The following FOXP2 variants were observed in gnomAD, a reference collection of about 807,000 sequenced individuals.
The protein encoded by FOXP2 is forkhead box protein P2.
In FOXP2, 12 loss-of-function variants were observed where a neutral mutation model predicts 115.8. The observed-to-expected ratio is 0.10, with a 90% CI of 0.07 to 0.17. The LOEUF is 0.17. FOXP2 is among the 10% of genes least tolerant of loss of function. The pLI is 1.00. For synonymous variants in FOXP2, 328 were observed against 297.7 expected (o/e 1.10, Z -1.05); for missense variants, 629 against 843.5 (o/e 0.75, Z 3.15).
At chr7:114,453,983 A>G (rs1795178088) in intron 2 of FOXP2, among the ~76,000 whole-genome samples, 1 of 152,158 alleles carries the variant, frequency 6.6e-6, no homozygotes. Context: ...CCAAAACACC[A>G]AAAGCAATGG....
chr7:114,144,490 C>A (rs1792310019), intron 1 of FOXP2, among the ~76,000 whole-genome samples: 1 of 151,984 alleles, frequency 6.6e-6, no homozygotes. Flanking sequence ...ATCTTCAGTT[C>A]TTAATTCCTA....
At position 114,637,759 on chromosome 7, in the gene FOXP2, AC is replaced by A. The variant is rs1406091827; in HGVS notation, c.776-4648del. Among the ~76,000 whole-genome samples, 3 of 152,270 alleles carry A rather than the reference AC, an allele frequency of 2.0e-5. No homozygotes were observed. The East Asian group carries it at 5.8e-4, about 29-fold the overall frequency. ...TAAGTAACAATAGGAAAATGGGGTGACCCTCAGAAGGAGTCCTGAGAAAAGG... is the reference window on the plus strand; with the variant it reads ...TAAGTAACAATAGGAAAATGGGGTGACCTCAGAAGGAGTCCTGAGAAAAGG... On this transcript the variant is annotated intron_variant, in intron 6 of 16. Coordinates refer to ENST00000350908, the MANE Select transcript of FOXP2 (RefSeq NM_014491.4).
At position 114,534,723 on chromosome 7, in the gene FOXP2, T is replaced by C; in HGVS notation, c.258+17T>C. On this transcript the variant is annotated intron_variant, in intron 3 of 16. Coordinates refer to ENST00000350908, the MANE Select transcript of FOXP2 (RefSeq NM_014491.4). ...CCACTGCAGGTTAGTAAAGCACTCCTGTCCTTGGGGTCTTATTTTAAAAGA... is the reference window on the plus strand; with the variant it reads ...CCACTGCAGGTTAGTAAAGCACTCCCGTCCTTGGGGTCTTATTTTAAAAGA... 6.3e-7 allele frequency: 1 copy of C among 1,590,780 alleles called. No individual in the cohort carries two copies. The highest frequency in any genetic ancestry group is 8.6e-7 in the Non-Finnish European group (1 of 1,159,364).
At chr7:114,317,869 A>G (rs1797310052) in intron 2 of FOXP2, among the ~76,000 whole-genome samples, 1 of 152,022 alleles carries the variant, frequency 6.6e-6, no homozygotes, top group Non-Finnish European at 1.5e-5. Context: ...TGTTAAACAC[A>G]CTAAACACAC....
chr7:114,155,510 GT>G (rs1266615271), intron 1 of FOXP2, among the ~76,000 whole-genome samples: 1 of 152,114 alleles, frequency 6.6e-6, no homozygotes, highest in Non-Finnish European at 1.5e-5. Context: ...GCTGTCTCTT[GT>G]GAGGAAAAGC....
At chr7:114,200,017 T>C (rs773279991) in intron 1 of FOXP2, among the ~76,000 whole-genome samples, 3 of 152,336 alleles carry the variant, frequency 2.0e-5, no homozygotes, top group Non-Finnish European at 2.9e-5. Flanking sequence ...GTATTATAAT[T>C]ATTTAATAGC....
intron 1 of FOXP2, among the ~76,000 whole-genome samples, chr7:114,140,212 T>C (rs1051822370): frequency 2.6e-5 from 4 of 152,198 alleles, no homozygotes; most frequent in African/African-American, 9.7e-5. Context: ...AGTATAAAGT[T>C]AGTTCTCAAC....
chr7:114,124,618 T>A (rs572762053), intron 1 of FOXP2, among the ~76,000 whole-genome samples: 1 of 152,164 alleles, frequency 6.6e-6, no homozygotes, highest in South Asian at 2.1e-4. Context: ...TTGTCCAAGA[T>A]CAAGTGTGGT....
intron 1 of FOXP2, among the ~76,000 whole-genome samples, chr7:114,104,373 G>T (rs187816514): frequency 6.6e-6 from 1 of 151,878 alleles, no homozygotes; most frequent in African/African-American, 2.4e-5. Flanking sequence ...AGGTATGGGG[G>T]CTGTTGAGAT....
intron 3 of FOXP2, among the ~76,000 whole-genome samples, chr7:114,544,303 GCC>G (rs1427150299): frequency 6.6e-6 from 1 of 151,918 alleles, no homozygotes; most frequent in Non-Finnish European, 1.5e-5. Context: ...GATTTTATGC[GCC>G]CCCACCCTGC....
At chr7:114,195,031 G>A (rs577036022) in intron 1 of FOXP2, among the ~76,000 whole-genome samples, 1 of 152,186 alleles carries the variant, frequency 6.6e-6, no homozygotes, top group South Asian at 2.1e-4. Context: ...TGAGGCAAAT[G>A]CATTTAAACC....
rs899239614 is a variant in FOXP2, at chr7:114,416,499, G to T, written c.-11+1139G>T. On this transcript the variant is annotated intron_variant, in intron 1 of 16. Transcript: ENST00000350908. ...CTAAGTGACAGGTTTTTGTTTACTA[G>T]CCTCCGCGACCAAAAAAAAAAAAAA... 12 of 132,960 alleles carry T rather than the reference G, an allele frequency of 9.0e-5. No individual in the cohort carries two copies. In the Admixed American group the frequency reaches 9.5e-4, roughly 11 times the overall value. The allele number at this position is 132,960 out of a possible 1,614,324, so 8.2% of individuals were successfully genotyped here. A position where few individuals can be genotyped will look rare whatever the true frequency, so the allele number is the denominator to read the frequency against.
chr7:114,363,617 C>T (rs931496748), intron 2 of FOXP2, among the ~76,000 whole-genome samples: 1 of 152,026 alleles, frequency 6.6e-6, no homozygotes, highest in East Asian at 1.9e-4. Flanking sequence ...AATAAATTCT[C>T]TTTAGAGTTA....
At chr7:114,368,969 C>G (rs766213887) in intron 2 of FOXP2, among the ~76,000 whole-genome samples, 2 of 152,196 alleles carry the variant, frequency 1.3e-5, no homozygotes, top group African/African-American at 4.8e-5. Context: ...CTTGTCTCTG[C>G]TTTGCATGGC....
intron 1 of FOXP2, among the ~76,000 whole-genome samples, chr7:114,267,779 A>C (rs905648909): frequency 7.3e-6 from 1 of 136,568 alleles, no homozygotes; most frequent in Non-Finnish European, 1.5e-5. Flanking sequence ...AAATAAATAA[A>C]TAAAATAAAT....
At chr7:114,362,355 G>A (rs539651705) in intron 2 of FOXP2, among the ~76,000 whole-genome samples, 1 of 151,964 alleles carries the variant, frequency 6.6e-6, no homozygotes, top group Non-Finnish European at 1.5e-5. Flanking sequence ...GTTGAATTCC[G>A]GTTCTAAGTC....
intron 3 of FOXP2, among the ~76,000 whole-genome samples, chr7:114,597,689 G>A (rs573102288): frequency 3.3e-5 from 5 of 152,212 alleles, no homozygotes; most frequent in Admixed American, 6.6e-5. Context: ...CCCAAACCAT[G>A]TACCTAAGGG....
chr7:114,586,290 T>A (rs1013913133), intron 3 of FOXP2, among the ~76,000 whole-genome samples: 1 of 152,162 alleles, frequency 6.6e-6, no homozygotes, highest in African/African-American at 2.4e-5. Context: ...ATACTTAGTC[T>A]CTGATGGGTC....
At chr7:114,488,743 G>A (rs1280798988) in intron 2 of FOXP2, among the ~76,000 whole-genome samples, 1 of 152,034 alleles carries the variant, frequency 6.6e-6, no homozygotes, top group African/African-American at 2.4e-5. Context: ...AAATTTAGGA[G>A]GACACATTGC....
Sources: gnomAD v4.1 joint callset for allele counts (sites outside exome capture counted in the v4.1 genomes callset) on GRCh38, gnomAD v4.1.1 for gene constraint, MANE v1.5 for transcripts, NCBI Gene and HGNC (gene_info 2026-07-23, HGNC 2026-07-21) for gene names.